The following PLCB1 variants were observed in gnomAD, a reference collection of about 807,000 sequenced individuals.
PLCB1 encodes the protein 1-phosphatidylinositol 4,5-bisphosphate phosphodiesterase beta-1.
Under a neutral mutation model 161.8 loss-of-function variants are expected in PLCB1, and 46 were observed. That is an observed-to-expected ratio of 0.28 (90% confidence interval 0.22 to 0.36). The LOEUF is 0.36. Among genes scored for constraint, PLCB1 ranks in the 10% least tolerant of loss-of-function variants. The pLI is 1.00. For missense variants in PLCB1, 1,016 were observed against 1,472.5 expected (o/e 0.69, Z 5.07); for synonymous variants, 517 against 503.7 (o/e 1.03, Z -0.35).
At chr20:8,228,520 G>A (rs527631780) in intron 2 of PLCB1, among the ~76,000 whole-genome samples, 92 of 151,912 alleles carry the variant, frequency 6.1e-4, no homozygotes, top group East Asian at 1.9e-3. Context: ...GTTTTGTTTC[G>A]TTTCTGAGAC....
chr20:8,303,264 G>T (rs189148883), intron 2 of PLCB1, among the ~76,000 whole-genome samples: 2 of 152,290 alleles, frequency 1.3e-5, no homozygotes, highest in East Asian at 3.9e-4. Flanking sequence ...TAAAGGTCAT[G>T]ATTTTATCTC....
intron 9 of PLCB1, among the ~76,000 whole-genome samples, chr20:8,682,221 C>G (rs1020352780): frequency 2.0e-5 from 3 of 152,104 alleles, no homozygotes; most frequent in Non-Finnish European, 2.9e-5. Context: ...CGTGCCCAGG[C>G]CCAGCTCAGC....
intron 3 of PLCB1, among the ~76,000 whole-genome samples, chr20:8,415,648 T>C (rs1201662454): frequency 6.6e-6 from 1 of 152,182 alleles, no homozygotes; most frequent in Non-Finnish European, 1.5e-5. Context: ...AGGCTGGGCA[T>C]GTAAGGGAGG....
rs1006223445 is a variant in PLCB1, at chr20:8,883,780, T to C, written c.*1931T>C. ...ATATTTTGATCTGAAGGGTTTGGGG[T>C]GTTCATTAGACACTTAATAAAACTT... On this transcript the variant is annotated 3_prime_UTR_variant, in exon 32 of 32. Coordinates refer to ENST00000338037, the MANE Select transcript of PLCB1 (RefSeq NM_015192.4). 2.7e-4 allele frequency: 41 copies of C among 150,342 alleles called. No homozygotes were observed. Among genetic ancestry groups the C allele is most frequent in the African/African-American group, 9.9e-4 (40 of 40,598 alleles). The allele number at this position is 150,342 out of a possible 1,614,324, so 9.3% of individuals were successfully genotyped here. A position where few individuals can be genotyped will look rare whatever the true frequency, so the allele number is the denominator to read the frequency against.
intron 3 of PLCB1, among the ~76,000 whole-genome samples, chr20:8,409,306 A>C (rs1310200096): frequency 1.3e-5 from 2 of 152,182 alleles, no homozygotes; most frequent in East Asian, 3.8e-4. Flanking sequence ...CTATGCTACA[A>C]GCCTTTTCTA....
intron 3 of PLCB1, among the ~76,000 whole-genome samples, chr20:8,534,272 C>T (rs1001533470): frequency 2.0e-5 from 3 of 152,198 alleles, no homozygotes; most frequent in African/African-American, 7.2e-5. Context: ...GTTATTCTGG[C>T]TTCAAGCAAT....
chr20:8,661,621 A>G (rs1486254042), intron 9 of PLCB1, among the ~76,000 whole-genome samples: 3 of 152,032 alleles, frequency 2.0e-5, no homozygotes, highest in African/African-American at 7.2e-5. Context: ...CATGTACACA[A>G]AAACGGACTC....
At chr20:8,794,309 A>G (rs1983912442) in intron 31 of PLCB1, among the ~76,000 whole-genome samples, 1 of 152,226 alleles carries the variant, frequency 6.6e-6, no homozygotes, top group African/African-American at 2.4e-5. Context: ...AAATCTTTAC[A>G]ATTTATGTTT....
intron 2 of PLCB1, among the ~76,000 whole-genome samples, chr20:8,227,933 A>G (rs1256553272): frequency 6.6e-6 from 1 of 152,186 alleles, no homozygotes; most frequent in Non-Finnish European, 1.5e-5. Flanking sequence ...GAAAATGATC[A>G]TTCTAGTTAA....
At chr20:8,525,158 GAAA>G (rs11475971) in intron 3 of PLCB1, among the ~76,000 whole-genome samples, 2 of 151,104 alleles carry the variant, frequency 1.3e-5, no homozygotes, top group Non-Finnish European at 3.0e-5. Context: ...GGAGAAGGGG[GAAA>G]AAAAAAGTAA....
intron 4 of PLCB1, among the ~76,000 whole-genome samples, chr20:8,638,116 G>A (rs1230687829): frequency 1.3e-5 from 2 of 152,112 alleles, no homozygotes; most frequent in Non-Finnish European, 1.5e-5. Flanking sequence ...AGATGGTCTC[G>A]ATCTCCTGAC....
intron 3 of PLCB1, among the ~76,000 whole-genome samples, chr20:8,505,418 C>T (rs1280408605): frequency 6.6e-6 from 1 of 152,068 alleles, no homozygotes; most frequent in African/African-American, 2.4e-5. Flanking sequence ...TTTTAGTTAC[C>T]CCACCAGAGA....
chr20:8,267,700 G>A (rs144878583), intron 2 of PLCB1, among the ~76,000 whole-genome samples: 4 of 152,222 alleles, frequency 2.6e-5, no homozygotes, highest in East Asian at 1.9e-4. Context: ...TCCACAGAAC[G>A]GGAGCGGGCT....
chr20:8,705,190 G>A (rs1436853225), intron 11 of PLCB1, among the ~76,000 whole-genome samples: 1 of 151,964 alleles, frequency 6.6e-6, no homozygotes, highest in Non-Finnish European at 1.5e-5. Flanking sequence ...ATCATCACGA[G>A]CTACAAAGGC....
At chr20:8,841,195 T>G (rs1056853446) in intron 31 of PLCB1, among the ~76,000 whole-genome samples, 1 of 152,100 alleles carries the variant, frequency 6.6e-6, no homozygotes, top group African/African-American at 2.4e-5. Context: ...TTAAAAAAAA[T>G]AAGTCATCAC....
intron 3 of PLCB1, among the ~76,000 whole-genome samples, chr20:8,489,513 C>T (rs761717312): frequency 2.6e-5 from 4 of 152,086 alleles, no homozygotes; most frequent in Middle Eastern, 3.2e-3. Flanking sequence ...ACCTTTTTTC[C>T]GCCTTCTTCT....
intron 3 of PLCB1, among the ~76,000 whole-genome samples, chr20:8,582,351 A>G (rs745647352): frequency 1.3e-5 from 2 of 152,130 alleles, no homozygotes; most frequent in Non-Finnish European, 2.9e-5. Context: ...TACACCCAAT[A>G]GTGGCCCGTA....
chr20:8,589,086 G>A (rs1181073217), intron 3 of PLCB1, among the ~76,000 whole-genome samples: 2 of 152,166 alleles, frequency 1.3e-5, no homozygotes, highest in Non-Finnish European at 2.9e-5. Context: ...TCCAAGAGCA[G>A]GTGGCATTTG....
At chr20:8,231,291 A>T (rs1980021036) in intron 2 of PLCB1, among the ~76,000 whole-genome samples, 1 of 152,164 alleles carries the variant, frequency 6.6e-6, no homozygotes, top group East Asian at 1.9e-4. Context: ...GGGAAAGTAG[A>T]CAGCTGTCTT....
Sources: gnomAD v4.1 joint callset for allele counts (sites outside exome capture counted in the v4.1 genomes callset) on GRCh38, gnomAD v4.1.1 for gene constraint, MANE v1.5 for transcripts, NCBI Gene and HGNC (gene_info 2026-07-23, HGNC 2026-07-21) for gene names.